Variants in ZC3H3 observed in about 807,000 individuals in gnomAD.
ZC3H3 encodes the protein zinc finger CCCH-type containing 3.
A neutral mutation model predicts 77.3 loss-of-function variants in ZC3H3; 36 were observed. That is an observed-to-expected ratio of 0.47 (90% CI 0.36 to 0.61). The LOEUF (loss-of-function observed/expected upper bound fraction) is 0.61. Ranked by LOEUF, ZC3H3 falls within the 20% of genes least tolerant of loss-of-function variation. The pLI, the probability that ZC3H3 is intolerant of heterozygous loss-of-function variation, is 0.00. For synonymous variants in ZC3H3, 626 were observed against 555.2 expected, an observed-to-expected ratio of 1.13 and a Z score of -1.79; for missense variants, 1,331 against 1,312.2, an observed-to-expected ratio of 1.01 and a Z score of -0.22.
intron 4 of ZC3H3, among the ~76,000 whole-genome samples, chr8:143,507,351 C>A (rs937660603): frequency 3.3e-5 from 5 of 152,240 alleles, no homozygotes; most frequent in African/African-American, 1.2e-4. Context: ...CCAGACAGAC[C>A]ACTGAAGGCC....
Position 143,437,932 on chromosome 8 carries a change from C to T in ZC3H3, c.*124G>A. 1.5e-6 allele frequency: 2 copies of T among 1,334,442 alleles called. No individual in the cohort carries two copies. Among genetic ancestry groups the T allele is most frequent in the Non-Finnish European group, 2.1e-6 (2 of 952,810 alleles). The allele number at this position is 1,334,442 out of a possible 1,614,324, so 82.7% of individuals were successfully genotyped here. ...GAGGGCCAGGCAGGCAGAGCAGTGT[C>T]CCTGTGGCCCCCAGGTGAGGCTTGG... On this transcript the variant is annotated 3_prime_UTR_variant, in exon 12 of 12. Coordinates refer to ENST00000262577, the MANE Select transcript of ZC3H3 (RefSeq NM_015117.3).
chr8:143,534,290 A>C (rs1322177603), intron 3 of ZC3H3, among the ~76,000 whole-genome samples: 1 of 151,242 alleles, frequency 6.6e-6, no homozygotes, highest in Non-Finnish European at 1.5e-5. Context: ...AAAAAAAAAA[A>C]AAAAAACGAC....
chr8:143,449,786 C>T (rs1819943963), intron 9 of ZC3H3, among the ~76,000 whole-genome samples: 1 of 152,090 alleles, frequency 6.6e-6, no homozygotes. Flanking sequence ...ACCAGATAGC[C>T]TAAATCATCA....
Position 143,475,423 on chromosome 8 carries a change from C to G in ZC3H3, c.1878G>C (p.Ala626=). The stretch of plus-strand genomic sequence containing the variant: ...CTGTGCGCAGGAGGGGCCTGCTGCC[C>G]GCATCACTGGGCTGGCCGGAGGTCT... ...LSKTSGQPSD[A]GSRPLLRTGR... is the part of the protein sequence containing the mutation. Residue 626 remains alanine, a synonymous_variant, in exon 5 of 12, where the codon GCG becomes GCC. Transcript: ENST00000262577. 6.2e-7 allele frequency: 1 copy of G among 1,612,972 alleles called. No homozygotes were observed. Among genetic ancestry groups the G allele is most frequent in the South Asian group, 1.1e-5 (1 of 91,060 alleles).
chr8:143,466,676 A>T (rs1820417163), intron 8 of ZC3H3, among the ~76,000 whole-genome samples: 1 of 152,232 alleles, frequency 6.6e-6, no homozygotes, highest in African/African-American at 2.4e-5. Context: ...CTGGGTGTCC[A>T]GAACAAGGAT....
intron 3 of ZC3H3, among the ~76,000 whole-genome samples, chr8:143,525,716 GCA>G (rs1822391019): frequency 6.6e-6 from 1 of 152,260 alleles, no homozygotes; most frequent in South Asian, 2.1e-4. Flanking sequence ...TCTACAGGAA[GCA>G]CAGTTTGACC....
At chr8:143,454,400 T>C (rs1468159364) in intron 9 of ZC3H3, among the ~76,000 whole-genome samples, 4 of 150,094 alleles carry the variant, frequency 2.7e-5, no homozygotes, top group African/African-American at 9.8e-5. Context: ...CAACAATTCA[T>C]AATTTTTTTT....
chr8:143,469,863 C>T (rs61386175), intron 5 of ZC3H3, among the ~76,000 whole-genome samples: 23,315 of 152,210 alleles, frequency 0.15, 2,022 homozygotes, highest in South Asian at 0.3. Flanking sequence ...ATCCAATTTC[C>T]TACAGGGCAA....
At chr8:143,531,076 C>T (rs1822590776) in intron 3 of ZC3H3, among the ~76,000 whole-genome samples, 1 of 152,004 alleles carries the variant, frequency 6.6e-6, no homozygotes, top group Non-Finnish European at 1.5e-5. Context: ...CCTCTCACCC[C>T]AGCCTCCCGA....
intron 5 of ZC3H3, among the ~76,000 whole-genome samples, chr8:143,472,090 G>A (rs961984749): frequency 6.6e-6 from 1 of 152,254 alleles, no homozygotes. Context: ...CTCCCCAGGG[G>A]CAGGGGTGGG....
chr8:143,455,086 C>A (rs920328779), intron 9 of ZC3H3, among the ~76,000 whole-genome samples: 6 of 151,588 alleles, frequency 4.0e-5, no homozygotes, highest in Admixed American at 3.3e-4. Flanking sequence ...GAGGCCAAGA[C>A]GGGTGGATCA....
chr8:143,444,099 C>T (rs10089146), intron 9 of ZC3H3, among the ~76,000 whole-genome samples: 34,261 of 151,826 alleles, frequency 0.23, 4,551 homozygotes, highest in Non-Finnish European at 0.3. Flanking sequence ...CTCAGCCTCC[C>T]GAGTAGCTGG....
chr8:143,540,331 A>C (rs1822969598), intron 1 of ZC3H3, among the ~76,000 whole-genome samples: 1 of 152,128 alleles, frequency 6.6e-6, no homozygotes, highest in Admixed American at 6.6e-5. Flanking sequence ...CCTCCAGGGC[A>C]CAAGCAAACC....
intron 9 of ZC3H3, among the ~76,000 whole-genome samples, chr8:143,463,541 G>A (rs1027153866): frequency 6.6e-5 from 10 of 152,184 alleles, no homozygotes; most frequent in African/African-American, 2.2e-4. Context: ...CGCCGGCCGC[G>A]GATCAGAATT....
intron 3 of ZC3H3, among the ~76,000 whole-genome samples, chr8:143,528,941 A>G (rs1586961781): frequency 6.6e-6 from 1 of 152,236 alleles, no homozygotes; most frequent in East Asian, 1.9e-4. Context: ...GGCAGGACGG[A>G]CAATAAGCCG....
In ZC3H3 at chr8:143,541,444, C is replaced by A; in HGVS notation, c.-23G>T. 1 of 1,611,526 alleles carries A rather than the reference C, an allele frequency of 6.2e-7. No individual in the cohort carries two copies. Among genetic ancestry groups the A allele is most frequent in the Non-Finnish European group, 8.5e-7 (1 of 1,179,348 alleles). On this transcript the variant is annotated 5_prime_UTR_variant, in exon 1 of 12. Coordinates refer to ENST00000262577, the MANE Select transcript of ZC3H3 (RefSeq NM_015117.3). ...CATCTCCCGAGTCCGCGACGGCCGG[C>A]CAGGCCCCCACGACGTCATCGCTAC... is the stretch of plus-strand genomic sequence containing the variant.
In ZC3H3 at chr8:143,460,649, C is replaced by T. The variant is rs1820236949; in HGVS notation, c.2307+5068G>A. On this transcript the variant is annotated intron_variant, in intron 9 of 11. Coordinates refer to ENST00000262577, the MANE Select transcript of ZC3H3 (RefSeq NM_015117.3). The surrounding 1 kb of genome is among the most constrained non-coding windows in gnomAD (Gnocchi z 4.0). ...AGCACCAGTCACAGTAGCCACATAA[C>T]CACCAGCACACGAAGGAACTAACAA... Among the ~76,000 whole-genome samples the T allele has an allele frequency of 6.6e-6, 1 of 152,198 alleles. No individual in the cohort carries two copies.
rs150401031 is a variant in ZC3H3, at chr8:143,539,049, C to T, written c.318G>A (p.Pro106=). The part of the protein sequence containing the change: ...HGARGGQPPV[P]QQHVLERQVQ... ...CCTGTCTCTCAAGGACATGCTGCTG[C>T]GGGACAGGAGGCTGGCCCCCCCGGG... Residue 106 remains proline, a synonymous_variant, in exon 2 of 12, where the codon CCG becomes CCA. Transcript: ENST00000262577. 309 of 1,612,996 alleles carry T rather than the reference C, an allele frequency of 1.9e-4. 3 individuals are homozygous for T. The African/African-American group carries it at 3.6e-3, about 19-fold the overall frequency.
chr8:143,452,815 C>T (rs1409736068), intron 9 of ZC3H3, among the ~76,000 whole-genome samples: 4 of 152,144 alleles, frequency 2.6e-5, no homozygotes, highest in Admixed American at 6.5e-5. Context: ...ACAGAGCCTT[C>T]GGGACCTTGG....
Sources: allele counts gnomAD v4.1 joint callset (sites outside exome capture counted in the v4.1 genomes callset), GRCh38; gene constraint gnomAD v4.1.1; non-coding constraint Gnocchi (gnomAD v3.1); transcripts MANE v1.5; gene names NCBI Gene and HGNC (gene_info 2026-07-23, HGNC 2026-07-21).